Variants in TMEM45A observed in about 807,000 individuals in gnomAD.
TMEM45A encodes the protein DNA polymerase-transactivated protein 4.
In TMEM45A, 25 loss-of-function variants were observed where a neutral mutation model predicts 32.0. The ratio of observed to expected loss-of-function variants is 0.78; its 90% confidence interval spans 0.57 to 1.09. The LOEUF (loss-of-function observed/expected upper bound fraction) is 1.09, where lower values mean the gene tolerates loss of function less well. Ranked by LOEUF, TMEM45A falls within the 50% of genes least tolerant of loss-of-function variation. TMEM45A has a pLI of 0.00. For synonymous variants in TMEM45A, 122 were observed against 114.8 expected, an observed-to-expected ratio of 1.06 and a Z score of -0.40; for missense variants, 302 against 325.0, an observed-to-expected ratio of 0.93 and a Z score of 0.54.
intron 4 of TMEM45A, among the ~76,000 whole-genome samples, chr3:100,568,170 A>G (rs1224696633): frequency 6.6e-6 from 1 of 152,230 alleles, no homozygotes; most frequent in Non-Finnish European, 1.5e-5. Flanking sequence ...GTATCCTGCT[A>G]TTATGCTGAA....
At chr3:100,515,128 T>C (rs1188369625) in intron 1 of TMEM45A, among the ~76,000 whole-genome samples, 1 of 150,804 alleles carries the variant, frequency 6.6e-6, no homozygotes, top group East Asian at 2.0e-4. Flanking sequence ...CATTACTGGG[T>C]ATATACCCAA....
intron 1 of TMEM45A, among the ~76,000 whole-genome samples, chr3:100,518,025 T>C (rs1705333863): frequency 6.6e-6 from 1 of 152,208 alleles, no homozygotes. Flanking sequence ...GGGTTTTGAT[T>C]GGGCGTGGTT....
rs753088264 is a variant in TMEM45A at position 100,556,747 on chromosome 3, T to C, written c.191-13T>C. The C allele has an allele frequency of 6.2e-7, 1 of 1,606,906 alleles. No homozygotes were observed. Among genetic ancestry groups the C allele is most frequent in the African/African-American group, 1.3e-5 (1 of 74,814 alleles). On this transcript the variant is annotated splice_polypyrimidine_tract_variant and intron_variant, in intron 2 of 5. Transcript: ENST00000323523. ...AAGCAGAGTTGCTAAAACTGTGATA[T>C]GTTTCTTGGCAGGCATGGCTGGGGA... is the stretch of plus-strand genomic sequence containing the variant.
intron 4 of TMEM45A, among the ~76,000 whole-genome samples, chr3:100,566,230 T>TAGTTCATA (rs1706435067): frequency 1.3e-5 from 2 of 152,198 alleles, no homozygotes; most frequent in Non-Finnish European, 2.9e-5. Context: ...CTATGAACAC[T>TAGTTCATA]CATGTACAAG....
At chr3:100,559,401 TG>T (rs1372137010) in intron 4 of TMEM45A, among the ~76,000 whole-genome samples, 1 of 152,098 alleles carries the variant, frequency 6.6e-6, no homozygotes, top group African/African-American at 2.4e-5. Flanking sequence ...TAAAAAGCAT[TG>T]GTAGGTGAGG....
Position 100,568,967 on chromosome 3 carries a change from G to A in TMEM45A, c.734G>A (p.Trp245Ter), listed in dbSNP as rs1706501209. ...IVGMNYAFIT[W>*]LVKSRLKRLC... is the part of the protein sequence containing the mutation. ...GGAATGAATTATGCTTTCATTACCT[G>A]GTAAGTTAGCGATTTCTGTTAATGG... Residue 245 changes from tryptophan (W) to a stop codon, truncating the protein, a stop_gained and splice_region_variant, in exon 5 of 6, where the codon TGG becomes TAG. Transcript: ENST00000323523. LOFTEE classifies it high-confidence loss of function. 6.2e-7 allele frequency: 1 copy of A among 1,608,108 alleles called. No homozygotes were observed. Among genetic ancestry groups the A allele is most frequent in the South Asian group, 1.1e-5 (1 of 90,664 alleles).
chr3:100,515,406 C>G (rs548295137), intron 1 of TMEM45A, among the ~76,000 whole-genome samples: 1 of 145,852 alleles, frequency 6.9e-6, no homozygotes, highest in African/African-American at 2.6e-5. Context: ...CATATTCTCA[C>G]TCATAGGTGG....
intron 5 of TMEM45A, chr3:100,573,939 G>C (rs1236712414): frequency 6.6e-6 from 1 of 152,268 alleles, no homozygotes; most frequent in South Asian, 2.1e-4. Flanking sequence ...TTGCATCCCA[G>C]GGATGAAGCC....
chr3:100,512,361 C>G (rs11928476), intron 1 of TMEM45A, among the ~76,000 whole-genome samples: 44,004 of 151,580 alleles, frequency 0.29, 8,275 homozygotes, highest in African/African-American at 0.53. Context: ...GAACAACCTG[C>G]TCCTGAATGA....
chr3:100,543,311 C>CT (rs1217889118), intron 1 of TMEM45A, among the ~76,000 whole-genome samples: 3 of 151,980 alleles, frequency 2.0e-5, no homozygotes, highest in Admixed American at 6.6e-5. Context: ...CAGTAATGAA[C>CT]TTTTTTTGAC....
intron 4 of TMEM45A, among the ~76,000 whole-genome samples, chr3:100,564,243 G>A (rs1030980687): frequency 3.9e-5 from 6 of 152,114 alleles, no homozygotes; most frequent in Non-Finnish European, 7.4e-5. Flanking sequence ...AAAATGCATT[G>A]GGCCAGGACA....
Position 100,557,324 on chromosome 3 carries a change from A to G in TMEM45A, c.403+352A>G, listed in dbSNP as rs369377741. ...GATCCCAGAATAATAAAGCATGAAT[A>G]CACTAAAATGAGGCAGCCACTCACA... is the stretch of plus-strand genomic sequence containing the variant. On this transcript the variant is annotated intron_variant, in intron 3 of 5. Transcript: ENST00000323523. 2.4e-4 allele frequency among the ~76,000 whole-genome samples: 36 copies of G among 152,296 alleles called. 1 individual carries two copies. The highest frequency in any genetic ancestry group is 8.7e-4 in the African/African-American group (36 of 41,558).
At chr3:100,562,516 TCTC>T (rs1358709210) in intron 4 of TMEM45A, among the ~76,000 whole-genome samples, 3 of 152,182 alleles carry the variant, frequency 2.0e-5, no homozygotes, top group African/African-American at 7.2e-5. Flanking sequence ...AAGTTTCTCT[TCTC>T]CTGATGTAAA....
chr3:100,534,995 G>A (rs1398098230), intron 1 of TMEM45A, among the ~76,000 whole-genome samples: 5 of 152,084 alleles, frequency 3.3e-5, no homozygotes, highest in Non-Finnish European at 7.4e-5. Flanking sequence ...CACTGTTCTC[G>A]CTCCCTCAAA....
intron 1 of TMEM45A, among the ~76,000 whole-genome samples, chr3:100,522,181 A>C (rs1456254539): frequency 1.3e-5 from 2 of 152,146 alleles, no homozygotes; most frequent in African/African-American, 4.8e-5. Context: ...TACTCTAAGG[A>C]GTAATTCTTC....
chr3:100,551,687 T>C (rs895616379), intron 1 of TMEM45A, among the ~76,000 whole-genome samples: 3 of 152,220 alleles, frequency 2.0e-5, no homozygotes, highest in African/African-American at 7.2e-5. Context: ...GATGTTTTTA[T>C]TGCCAGGAGT....
In TMEM45A at chr3:100,512,181, GCACCA is replaced by G. The variant is rs937753335; in HGVS notation, c.-4+19263_-4+19267del. On this transcript the variant is annotated intron_variant, in intron 1 of 5. Transcript: ENST00000323523. ...ATCAACAGAATATACATTTTTTTCA[GCACCA>G]CACCACACCTATTTCAAAATTGACC... is the stretch of plus-strand genomic sequence containing the variant. Among the ~76,000 whole-genome samples, 15 of 152,190 alleles carry G rather than the reference GCACCA, an allele frequency of 9.9e-5. 1 individual carries two copies. Among genetic ancestry groups the G allele is most frequent in the African/African-American group, 2.4e-4 (10 of 41,522 alleles).
intron 1 of TMEM45A, among the ~76,000 whole-genome samples, chr3:100,548,940 T>G (rs1706034015): frequency 6.6e-6 from 1 of 152,166 alleles, no homozygotes; most frequent in South Asian, 2.1e-4. Flanking sequence ...CTTGAGGCAC[T>G]GTGTGTTAGA....
At chr3:100,503,871 AT>A (rs1257524029) in intron 1 of TMEM45A, among the ~76,000 whole-genome samples, 7 of 152,224 alleles carry the variant, frequency 4.6e-5, no homozygotes, top group Non-Finnish European at 8.8e-5. Flanking sequence ...TGAAATCAGT[AT>A]TTAAATACAG....
Sources: gnomAD v4.1 joint callset for allele counts (sites outside exome capture counted in the v4.1 genomes callset) on GRCh38, gnomAD v4.1.1 for gene constraint, MANE v1.5 for transcripts, NCBI Gene and HGNC (gene_info 2026-07-23, HGNC 2026-07-21) for gene names.